The following RTL4 variants were observed in gnomAD, a reference collection of about 807,000 sequenced individuals.
RTL4 encodes the protein retrotransposon Gag like 4, also known as retrotransposon Gag-like protein 4.
A neutral mutation model predicts 5.3 loss-of-function variants in RTL4; 4 were observed. That is an observed-to-expected ratio of 0.75 (90% CI 0.37 to 1.72). The LOEUF is 1.72. Among genes scored for constraint, RTL4 ranks in the 40% most tolerant of loss-of-function variants. The pLI is 0.04. For missense variants in RTL4, 260 were observed against 227.1 expected (o/e 1.14, Z -0.93); for synonymous variants, 98 against 87.3 (o/e 1.12, Z -0.68).
At chrX:112,284,789 A>G in the RTL4 span, among the ~76,000 whole-genome samples, 2 of 111,636 alleles carry the variant, frequency 1.8e-5, no homozygotes, top group Non-Finnish European at 3.8e-5. Flanking sequence ...CATAAAAAGC[A>G]TATTGTCCCA....
chrX:112,203,547 T>C, the RTL4 span, among the ~76,000 whole-genome samples: 17 of 111,218 alleles, frequency 1.5e-4, no homozygotes, highest in African/African-American at 5.5e-4. Flanking sequence ...CTTTTTCTCA[T>C]ATGTTGGGCA....
the RTL4 span, among the ~76,000 whole-genome samples, chrX:112,246,613 G>A: frequency 1.8e-5 from 2 of 111,619 alleles, no homozygotes; most frequent in Non-Finnish European, 3.8e-5. Flanking sequence ...GATTTTCCAG[G>A]TACAGTCTTT....
chrX:112,147,028 G>C, the RTL4 span, among the ~76,000 whole-genome samples: 3 of 107,591 alleles, frequency 2.8e-5, no homozygotes, highest in African/African-American at 1.0e-4. Context: ...AGAGATGGGG[G>C]AGCTGAGTGA....
chrX:112,130,960 A>AT, the RTL4 span, among the ~76,000 whole-genome samples: 379 of 96,898 alleles, frequency 3.9e-3, 5 homozygotes, highest in Non-Finnish European at 6.2e-3. Flanking sequence ...TGCCCGGCTA[A>AT]TTTTTTTTGT....
the RTL4 span, among the ~76,000 whole-genome samples, chrX:112,280,052 A>G: frequency 1.8e-5 from 2 of 111,646 alleles, no homozygotes; most frequent in African/African-American, 3.2e-5. Context: ...TGGGTAGGGA[A>G]AAAAAAGAAT....
chrX:112,359,937 T>A, the RTL4 span, among the ~76,000 whole-genome samples: 14 of 111,443 alleles, frequency 1.3e-4, no homozygotes, highest in South Asian at 2.3e-3. Context: ...AGAATGAAGA[T>A]CTTGTAGAAA....
the RTL4 span, among the ~76,000 whole-genome samples, chrX:112,254,431 G>C: frequency 1.5e-3 from 168 of 110,182 alleles, 2 homozygotes; most frequent in African/African-American, 5.3e-3. Flanking sequence ...CTGGGTTCAA[G>C]TGATTCTCCT....
the RTL4 span, among the ~76,000 whole-genome samples, chrX:112,157,027 GA>G: frequency 9.2e-6 from 1 of 109,139 alleles, no homozygotes; most frequent in Non-Finnish European, 1.9e-5. Context: ...AAATTTGTTA[GA>G]TGCGAGTGTT....
the RTL4 span, among the ~76,000 whole-genome samples, chrX:112,263,750 G>C: frequency 7.2e-4 from 80 of 111,556 alleles, no homozygotes; most frequent in African/African-American, 2.6e-3. Flanking sequence ...CAAATTTGAA[G>C]TGTCCTCACC....
At chrX:112,310,706 A>G in the RTL4 span, among the ~76,000 whole-genome samples, 4 of 72,156 alleles carry the variant, frequency 5.5e-5, no homozygotes, top group East Asian at 1.6e-3. Context: ...TATATAAAAT[A>G]ATATATTTCA....
chrX:112,432,871 T>C, the RTL4 span, among the ~76,000 whole-genome samples: 1 of 111,424 alleles, frequency 9.0e-6, no homozygotes, highest in East Asian at 2.8e-4. Flanking sequence ...TTAAGTCGAA[T>C]GTTTAAGTCT....
At chrX:112,393,161 GTTTTTT>G in the RTL4 span, among the ~76,000 whole-genome samples, 7 of 71,302 alleles carry the variant, frequency 9.8e-5, no homozygotes, top group African/African-American at 3.6e-4. Context: ...TTTTTTTTTT[GTTTTTT>G]TTTTTTGTTT....
chrX:112,216,099 T>C, the RTL4 span, among the ~76,000 whole-genome samples: 1 of 111,740 alleles, frequency 8.9e-6, no homozygotes, highest in Non-Finnish European at 1.9e-5. Context: ...CTTTAAAAAT[T>C]ATAGCTTCAG....
chrX:112,130,185 C>A, the RTL4 span, among the ~76,000 whole-genome samples: 1 of 109,702 alleles, frequency 9.1e-6, no homozygotes, highest in African/African-American at 3.3e-5. Flanking sequence ...AAAACAACTT[C>A]AAAAAATTAC....
At chrX:112,363,080 G>A in the RTL4 span, among the ~76,000 whole-genome samples, 1 of 110,817 alleles carries the variant, frequency 9.0e-6, no homozygotes, top group Non-Finnish European at 1.9e-5. Context: ...ATCAGAAAAG[G>A]GTAAAGGTGG....
exon 1 of RTL4, chrX:112,455,335 G>C (rs1360358097): frequency 2.5e-6 from 3 of 1,209,636 alleles, no homozygotes; most frequent in Non-Finnish European, 3.4e-6. Flanking sequence ...TGATATGATG[G>C]ACAATCTTCC....
chrX:112,209,070 G>T, the RTL4 span, among the ~76,000 whole-genome samples: 2 of 112,172 alleles, frequency 1.8e-5, no homozygotes, highest in African/African-American at 6.5e-5. Flanking sequence ...GACAGGAATG[G>T]CTGGGGAAAG....
At chrX:112,262,347 GA>G in the RTL4 span, among the ~76,000 whole-genome samples, 79 of 110,352 alleles carry the variant, frequency 7.2e-4, no homozygotes, top group African/African-American at 2.4e-3. Flanking sequence ...AAATTTACAA[GA>G]AAAAAACAAA....
chrX:112,437,975 G>A, the RTL4 span, among the ~76,000 whole-genome samples: 4 of 110,742 alleles, frequency 3.6e-5, no homozygotes, highest in African/African-American at 1.3e-4. Context: ...AAAATGCCAT[G>A]GGTCTTCAGC....
Sources: allele counts gnomAD v4.1 joint callset (sites outside exome capture counted in the v4.1 genomes callset), GRCh38; gene constraint gnomAD v4.1.1; transcripts MANE v1.5; gene names NCBI Gene and HGNC (gene_info 2026-07-23, HGNC 2026-07-21).